The following PHLPP1 variants were observed in gnomAD, a reference collection of about 807,000 sequenced individuals.
PHLPP1 encodes PH domain and leucine rich repeat protein phosphatase 1.
PHLPP1 carries 42 observed loss-of-function variants against 117.2 expected under a neutral mutation model. That is an observed-to-expected ratio of 0.36 (90% CI 0.28 to 0.46). PHLPP1 has a LOEUF of 0.46. PHLPP1 is among the 20% of genes least tolerant of loss of function. The pLI is 1.00. For synonymous variants in PHLPP1, 1,042 were observed against 970.7 expected (o/e 1.07, Z -1.37); for missense variants, 2,084 against 2,241.9 (o/e 0.93, Z 1.42).
chr18:62,967,259 C>G (rs1043054086), intron 14 of PHLPP1, among the ~76,000 whole-genome samples: 1 of 152,118 alleles, frequency 6.6e-6, no homozygotes, highest in Non-Finnish European at 1.5e-5. Flanking sequence ...TGGAGAAATG[C>G]CTAGGGATAA....
chr18:62,779,418 G>C (rs1192450413), intron 1 of PHLPP1: 3 of 152,136 alleles, frequency 2.0e-5, no homozygotes, highest in African/African-American at 2.4e-5. Context: ...CAGGAGAGTG[G>C]TTGCCTTGCT....
chr18:62,899,782 C>T (rs1412167450), intron 6 of PHLPP1, among the ~76,000 whole-genome samples: 10 of 152,174 alleles, frequency 6.6e-5, no homozygotes, highest in Non-Finnish European at 1.3e-4. Context: ...TGATCCCCCT[C>T]CCTCAGCCTC....
rs116077228 is a variant in PHLPP1, at chr18:62,831,789, A to G, written c.1773+1558A>G. The stretch of plus-strand genomic sequence containing the variant: ...ATTCTTGTAGTCTTTCCTTATGAAT[A>G]AATAGCCTATGTTAGTTTTTTCCTC... On this transcript the variant is annotated intron_variant, in intron 2 of 16. Coordinates refer to ENST00000262719, the MANE Select transcript of PHLPP1 (RefSeq NM_194449.4). Among the ~76,000 whole-genome samples, 623 of 152,354 alleles carry G rather than the reference A, an allele frequency of 4.1e-3. 4 individuals are homozygous for G. Among genetic ancestry groups the G allele is most frequent in the African/African-American group, 0.014 (591 of 41,576 alleles).
At chr18:62,850,156 G>A (rs1307181882) in intron 3 of PHLPP1, among the ~76,000 whole-genome samples, 3 of 150,906 alleles carry the variant, frequency 2.0e-5, no homozygotes, top group Non-Finnish European at 2.9e-5. Flanking sequence ...TTGGGAGGCC[G>A]AGGCAGGTGG....
rs1913181277 is a variant in PHLPP1 at position 62,783,381 on chromosome 18, C to T, written c.1577-46654C>T. The stretch of plus-strand genomic sequence containing the variant: ...TAGCTGGGACTACAGGTGCCCGCCA[C>T]CATGTCTAGCTAACTTTTTTGTATT... On this transcript the variant is annotated intron_variant, in intron 1 of 16. Transcript: ENST00000262719. Among the ~76,000 whole-genome samples the T allele has an allele frequency of 2.0e-5, 3 of 152,136 alleles. No homozygotes were observed. In the South Asian group the frequency reaches 6.2e-4, roughly 32 times the overall value.
chr18:62,970,106 CGT>C (rs1568177976), intron 14 of PHLPP1, among the ~76,000 whole-genome samples: 1 of 151,446 alleles, frequency 6.6e-6, no homozygotes, highest in East Asian at 1.9e-4. Flanking sequence ...CTTATTCTAC[CGT>C]GTGTCTCTGT....
At chr18:62,722,392 T>G (rs1194673722) in intron 1 of PHLPP1, among the ~76,000 whole-genome samples, 3 of 152,206 alleles carry the variant, frequency 2.0e-5, no homozygotes, top group Non-Finnish European at 2.9e-5. Context: ...CCAGAGATCC[T>G]GAAGCCGCTC....
intron 12 of PHLPP1, among the ~76,000 whole-genome samples, chr18:62,952,440 G>C (rs1910490488): frequency 6.6e-6 from 1 of 152,030 alleles, no homozygotes; most frequent in Non-Finnish European, 1.5e-5. Context: ...TCAAATTCTT[G>C]CCAATTTTAA....
intron 15 of PHLPP1, 30 bp downstream of exon 15, chr18:62,972,738 G>A (rs746014872): frequency 2.6e-6 from 4 of 1,511,062 alleles, no homozygotes; most frequent in Non-Finnish European, 3.7e-6. Context: ...CTTACCTGCT[G>A]TGTGTTTTCT....
chr18:62,849,824 A>ATATATATATAT (rs1450269021), intron 3 of PHLPP1, among the ~76,000 whole-genome samples: 2 of 44,760 alleles, frequency 4.5e-5, no homozygotes, highest in Non-Finnish European at 9.3e-5. Flanking sequence ...AAAAAAAAAA[A>ATATATATATAT]AAAAAAAAAT....
At chr18:62,832,585 C>T (rs1396786315) in intron 2 of PHLPP1, among the ~76,000 whole-genome samples, 4 of 152,156 alleles carry the variant, frequency 2.6e-5, no homozygotes, top group Admixed American at 6.5e-5. Flanking sequence ...AAGTTAATAG[C>T]TTCCTCTTTT....
chr18:62,906,545 G>C, intron 8 of PHLPP1, among the ~76,000 whole-genome samples: 1 of 129,620 alleles, frequency 7.7e-6, no homozygotes, highest in Non-Finnish European at 1.6e-5. Flanking sequence ...AAGGGGTGAC[G>C]GACGCACCTG....
At chr18:62,808,521 C>G (rs968717382) in intron 1 of PHLPP1, among the ~76,000 whole-genome samples, 2 of 150,476 alleles carry the variant, frequency 1.3e-5, no homozygotes, top group Non-Finnish European at 3.0e-5. Context: ...CTAAAATAGT[C>G]ACTTTTGTTT....
chr18:62,956,709 G>T (rs1830997740), intron 12 of PHLPP1, among the ~76,000 whole-genome samples: 1 of 151,980 alleles, frequency 6.6e-6, no homozygotes, highest in African/African-American at 2.4e-5. Context: ...TTTTTGCTCA[G>T]CTTTTTGTGG....
intron 1 of PHLPP1, among the ~76,000 whole-genome samples, chr18:62,757,998 CTT>C (rs1250617283): frequency 1.3e-5 from 2 of 152,198 alleles, no homozygotes; most frequent in African/African-American, 2.4e-5. Flanking sequence ...TTTAGGGACA[CTT>C]TTAAATAAAA....
At chr18:62,757,580 C>T (rs1912067825) in intron 1 of PHLPP1, among the ~76,000 whole-genome samples, 1 of 152,222 alleles carries the variant, frequency 6.6e-6, no homozygotes, top group South Asian at 2.1e-4. Context: ...TTTCTGACGT[C>T]GCTGACTTCT....
intron 4 of PHLPP1, among the ~76,000 whole-genome samples, chr18:62,862,968 C>CTAA (rs1239861547): frequency 6.6e-6 from 1 of 151,610 alleles, no homozygotes; most frequent in Admixed American, 6.6e-5. Flanking sequence ...AATCGAGACT[C>CTAA]TAATAAGGAT....
intron 1 of PHLPP1, among the ~76,000 whole-genome samples, chr18:62,751,660 A>G (rs991673967): frequency 2.0e-5 from 3 of 152,166 alleles, no homozygotes; most frequent in East Asian, 1.9e-4. Context: ...GTCCTGCACT[A>G]TCTTTCCTGT....
intron 13 of PHLPP1, 123 bp from the exon 14 acceptor site, chr18:62,963,245 C>T (rs1219377044): frequency 1.3e-5 from 8 of 618,900 alleles, no homozygotes; most frequent in Middle Eastern, 3.3e-4. Flanking sequence ...ACACATTAAA[C>T]GCAGTAAGAA....
Sources: gnomAD v4.1 joint callset for allele counts (sites outside exome capture counted in the v4.1 genomes callset) on GRCh38, gnomAD v4.1.1 for gene constraint, MANE v1.5 for transcripts, NCBI Gene and HGNC (gene_info 2026-07-23, HGNC 2026-07-21) for gene names.